Variants in DAB1 observed in about 807,000 individuals in gnomAD.
DAB1 encodes disabled homolog 1.
In DAB1, 15 loss-of-function variants were observed where a neutral mutation model predicts 64.6. That is an observed-to-expected ratio of 0.23 (90% CI 0.16 to 0.36). DAB1 has a LOEUF of 0.36. DAB1 is among the 10% of genes least tolerant of loss of function. DAB1 has a pLI of 1.00. For synonymous variants in DAB1, 235 were observed against 251.9 expected, an observed-to-expected ratio of 0.93 and a Z score of 0.64; for missense variants, 596 against 706.7, an observed-to-expected ratio of 0.84 and a Z score of 1.78.
At chr1:57,011,648 A>C (rs1646269118) in intron 12 of DAB1, among the ~76,000 whole-genome samples, 1 of 152,226 alleles carries the variant, frequency 6.6e-6, no homozygotes, top group Non-Finnish European at 1.5e-5. Context: ...ATGCATGATC[A>C]AGCTGAGAAC....
intron 5 of DAB1, among the ~76,000 whole-genome samples, chr1:57,948,562 G>A (rs1046957746): frequency 2.0e-5 from 3 of 152,256 alleles, no homozygotes; most frequent in East Asian, 1.9e-4. Flanking sequence ...GAGTCTAGTC[G>A]ATTCTAGCCC....
chr1:58,325,576 T>C (rs1350177286), intron 4 of DAB1, among the ~76,000 whole-genome samples: 1 of 152,202 alleles, frequency 6.6e-6, no homozygotes, highest in Admixed American at 6.5e-5. Context: ...CCATTTCTAT[T>C]TATAAGACTT....
At chr1:57,422,549 G>A (rs1685001524) in intron 1 of DAB1, among the ~76,000 whole-genome samples, 1 of 151,862 alleles carries the variant, frequency 6.6e-6, no homozygotes, top group Non-Finnish European at 1.5e-5. Flanking sequence ...ATACACACCG[G>A]AGCGCACAGA....
intron 6 of DAB1, among the ~76,000 whole-genome samples, chr1:57,778,932 C>T (rs1488834599): frequency 6.6e-6 from 1 of 151,618 alleles, no homozygotes. Flanking sequence ...TTTATTCTTT[C>T]CTTCCCTCCC....
intron 2 of DAB1, among the ~76,000 whole-genome samples, chr1:57,162,590 T>C (rs1285107535): frequency 1.3e-5 from 2 of 152,242 alleles, no homozygotes; most frequent in Non-Finnish European, 2.9e-5. Flanking sequence ...CTGTAGCAGC[T>C]ACAACTTCCA....
chr1:57,626,811 T>G (rs1645928356), intron 7 of DAB1, among the ~76,000 whole-genome samples: 1 of 152,108 alleles, frequency 6.6e-6, no homozygotes, highest in Non-Finnish European at 1.5e-5. Context: ...GTCTTACTTA[T>G]GAGGACTCTG....
chr1:58,227,668 T>C (rs989022158), intron 4 of DAB1, among the ~76,000 whole-genome samples: 2 of 152,080 alleles, frequency 1.3e-5, no homozygotes, highest in African/African-American at 4.8e-5. Context: ...ACACCATACA[T>C]ACCTCACATA....
chr1:57,800,788 G>T (rs149400274), intron 6 of DAB1, among the ~76,000 whole-genome samples: 87 of 152,258 alleles, frequency 5.7e-4, no homozygotes, highest in African/African-American at 1.8e-3. Context: ...TTTCCCTGCT[G>T]CCCACCTGAA....
At chr1:57,227,647 C>A (rs1667376193) in intron 2 of DAB1, among the ~76,000 whole-genome samples, 1 of 151,980 alleles carries the variant, frequency 6.6e-6, no homozygotes, top group Non-Finnish European at 1.5e-5. Flanking sequence ...ACCTCCACCT[C>A]CCAGGCTCAA....
At chr1:57,020,766 C>A (rs1646589053) in intron 11 of DAB1, among the ~76,000 whole-genome samples, 1 of 152,172 alleles carries the variant, frequency 6.6e-6, no homozygotes, top group Non-Finnish European at 1.5e-5. Flanking sequence ...TGTAGTGATT[C>A]ATTTAATTCT....
rs1195760669 is a variant in DAB1 at position 57,087,978 on chromosome 1, A to G, written c.307-15564T>C. ...TTGACAAAGATTCTGTCCTTGACCAAGCTCTACTTGGCTCCTCTGAGCCCT... is the reference window on the plus strand; with the variant it reads ...TTGACAAAGATTCTGTCCTTGACCAGGCTCTACTTGGCTCCTCTGAGCCCT... On this transcript the variant is annotated intron_variant, in intron 4 of 14. Transcript: ENST00000371236. Among the ~76,000 whole-genome samples, 6 of 152,208 alleles carry G rather than the reference A, an allele frequency of 3.9e-5. No homozygotes were observed. The East Asian group carries it at 9.6e-4, about 24-fold the overall frequency.
intron 2 of DAB1, among the ~76,000 whole-genome samples, chr1:57,289,863 G>C (rs76815749): frequency 0.027 from 4,042 of 151,010 alleles, 173 homozygotes; most frequent in African/African-American, 0.092. Flanking sequence ...CACACACACA[G>C]AGAGAAAGAA....
In DAB1 at chr1:58,334,638, TATC is replaced by T. The variant is rs1356496142; in HGVS notation, n.309+8711_309+8713del. ...TATTATATTATATTATATTATATCA[TATC>T]ATATCATATCATATTATATTATATT... is the stretch of plus-strand genomic sequence containing the variant. On this transcript the variant is annotated intron_variant and non_coding_transcript_variant, in intron 4 of 20. Transcript: ENST00000485760. Among the ~76,000 whole-genome samples, 406 of 139,184 alleles carry T rather than the reference TATC, an allele frequency of 2.9e-3. 5 individuals carry two copies. The highest frequency in any genetic ancestry group is 0.025 in the South Asian group (102 of 4,014). The allele number at this position is 139,184 out of a possible 152,430, so 91.3% of individuals were successfully genotyped here.
chr1:58,102,991 A>G (rs1489874938), intron 5 of DAB1, among the ~76,000 whole-genome samples: 9 of 152,130 alleles, frequency 5.9e-5, no homozygotes. Flanking sequence ...ACTTCACTGG[A>G]TAGAACTGTT....
At chr1:58,239,894 C>T (rs1053160005) in intron 4 of DAB1, among the ~76,000 whole-genome samples, 1 of 152,160 alleles carries the variant, frequency 6.6e-6, no homozygotes, top group Admixed American at 6.5e-5. Flanking sequence ...TTTCCAGTCC[C>T]GGAGCCGCAA....
intron 1 of DAB1, among the ~76,000 whole-genome samples, chr1:57,348,247 A>C (rs1678279382): frequency 4.6e-5 from 7 of 152,150 alleles, no homozygotes; most frequent in Admixed American, 4.6e-4. Context: ...GAGGCTCACT[A>C]TCTGCTGTAG....
intron 5 of DAB1, chr1:58,056,099 A>G (rs1019357537): frequency 2.0e-5 from 20 of 992,550 alleles, no homozygotes; most frequent in Non-Finnish European, 3.0e-5. Context: ...TCTCCAGAGA[A>G]TAGCCTGTCT....
At chr1:57,656,041 A>C (rs767101084) in intron 6 of DAB1, among the ~76,000 whole-genome samples, 9 of 152,154 alleles carry the variant, frequency 5.9e-5, no homozygotes, top group African/African-American at 2.2e-4. Flanking sequence ...TTAGGTCATG[A>C]GGGTGGAGCC....
intron 6 of DAB1, among the ~76,000 whole-genome samples, chr1:57,772,932 A>T (rs929280996): frequency 9.2e-5 from 14 of 152,200 alleles, no homozygotes; most frequent in African/African-American, 3.4e-4. Flanking sequence ...CCTTGAAAAA[A>T]GATCAGGTAG....
Sources: allele counts gnomAD v4.1 joint callset (sites outside exome capture counted in the v4.1 genomes callset), GRCh38; gene constraint gnomAD v4.1.1; transcripts MANE v1.5; gene names NCBI Gene and HGNC (gene_info 2026-07-23, HGNC 2026-07-21).